ADGRD1: variants seen among roughly 807,000 people sequenced by gnomAD.
The protein encoded by ADGRD1 is adhesion G protein-coupled receptor D1.
ADGRD1 carries 77 observed loss-of-function variants against 113.4 expected under a neutral mutation model. The ratio of observed to expected loss-of-function variants is 0.68; its 90% CI spans 0.57 to 0.82. ADGRD1 has a LOEUF of 0.82. ADGRD1 is among the 40% of genes least tolerant of loss of function. ADGRD1 has a pLI of 0.00. For missense variants in ADGRD1, 1,036 were observed against 1,139.1 expected (o/e 0.91, Z 1.30); for synonymous variants, 474 against 475.0 (o/e 1.00, Z 0.03).
intron 13 of ADGRD1, among the ~76,000 whole-genome samples, chr12:131,055,975 T>C (rs1883830945): frequency 6.6e-6 from 1 of 152,152 alleles, no homozygotes; most frequent in Non-Finnish European, 1.5e-5. Flanking sequence ...AGATCAGAAT[T>C]TTACAAACTT....
intron 8 of ADGRD1, chr12:130,993,721 C>T (rs1874749982): frequency 6.6e-6 from 1 of 152,270 alleles, no homozygotes; most frequent in South Asian, 2.1e-4. Flanking sequence ...ACAGGGCCCT[C>T]TGCTTAGCGG....
At chr12:131,071,025 GA>G (rs1885121691) in intron 13 of ADGRD1, 1 of 476,894 alleles carries the variant, frequency 2.1e-6, no homozygotes, top group Non-Finnish European at 4.2e-6. Flanking sequence ...CATGTACAAG[GA>G]GGTGGGGCTA....
chr12:131,058,493 A>G (rs1487514415), intron 13 of ADGRD1, among the ~76,000 whole-genome samples: 1 of 152,166 alleles, frequency 6.6e-6, no homozygotes, highest in African/African-American at 2.4e-5. Context: ...TGATGTTTCA[A>G]GATTCCTTCT....
In ADGRD1 at chr12:131,014,275, C is replaced by T; in HGVS notation, c.1408C>T (p.Pro470Ser). The T allele has an allele frequency of 6.2e-7, 1 of 1,614,050 alleles. No homozygotes were observed. The highest frequency in any genetic ancestry group is 8.5e-7 in the Non-Finnish European group (1 of 1,179,894). Residue 470 changes from proline (P) to serine (S), a missense_variant, in exon 13 of 25, where the codon CCA becomes TCA. Coordinates refer to ENST00000261654, the MANE Select transcript of ADGRD1 (RefSeq NM_198827.5). ...CCTGATTTCCCTGGAGGTGTCCCCA[C>T]CACCCACCCTGTCTCAGAACCTGTC... ...SHLISLEVSPPPTLSQNLSGS... is the reference protein window; with the variant it reads ...SHLISLEVSPSPTLSQNLSGS...
chr12:131,063,006 GCTTA>G (rs1256609795), intron 13 of ADGRD1, among the ~76,000 whole-genome samples: 9 of 151,960 alleles, frequency 5.9e-5, no homozygotes, highest in African/African-American at 2.2e-4. Flanking sequence ...TTTTTCTTGT[GCTTA>G]CTTGTCATCT....
At chr12:130,963,596 A>G (rs1480856181) in intron 2 of ADGRD1, among the ~76,000 whole-genome samples, 1 of 152,178 alleles carries the variant, frequency 6.6e-6, no homozygotes. Context: ...ATGAAAGAAT[A>G]TGCCATCTAA....
chr12:131,074,407 C>T (rs543506391), intron 13 of ADGRD1, among the ~76,000 whole-genome samples: 4 of 152,318 alleles, frequency 2.6e-5, no homozygotes, highest in East Asian at 1.9e-4. Context: ...CAGGTGAATG[C>T]GGCTGTCCCC....
intron 13 of ADGRD1, among the ~76,000 whole-genome samples, chr12:131,051,172 G>T (rs907642747): frequency 6.6e-6 from 1 of 152,234 alleles, no homozygotes; most frequent in East Asian, 1.9e-4. Flanking sequence ...TGCCCAGCTG[G>T]GGGAGGAAGA....
At chr12:131,097,226 G>C (rs1185508518) in intron 15 of ADGRD1, among the ~76,000 whole-genome samples, 1 of 152,206 alleles carries the variant, frequency 6.6e-6, no homozygotes, top group Admixed American at 6.5e-5. Flanking sequence ...GCGGCCAGGG[G>C]AGACAGCAGG....
At chr12:131,023,530 T>C (rs1879575818) in intron 13 of ADGRD1, 1 of 152,130 alleles carries the variant, frequency 6.6e-6, no homozygotes, top group East Asian at 1.9e-4. Context: ...ACTTTTTAAA[T>C]AGCCCCTTCT....
Position 130,966,951 on chromosome 12 carries a change from G to C in ADGRD1, c.187+405G>C. On this transcript the variant is annotated intron_variant, in intron 3 of 24. Transcript: ENST00000261654. This position sits in a 1 kb window ranked among gnomAD's most constrained non-coding sequence, Gnocchi z 4.6. ...CATTTTACTAGAATTTTTATAGAGA[G>C]AGCTATTGCGTATTGAATGGGAGAA... The C allele has an allele frequency of 2.2e-6, 1 of 445,628 alleles. No individual in the cohort carries two copies. Among genetic ancestry groups the C allele is most frequent in the Non-Finnish European group, 4.6e-6 (1 of 217,566 alleles). The allele number at this position is 445,628 out of a possible 1,614,324, so 27.6% of individuals were successfully genotyped here.
rs1221713384 is a variant in ADGRD1 at position 131,017,385 on chromosome 12, C to T, written c.1473+3045C>T. 2.4e-3 allele frequency among the ~76,000 whole-genome samples: 292 copies of T among 120,204 alleles called. 18 individuals carry two copies. The highest frequency in any genetic ancestry group is 0.011 in the African/African-American group (276 of 26,036). The allele number at this position is 120,204 out of a possible 152,430, so 78.9% of individuals were successfully genotyped here. On this transcript the variant is annotated intron_variant, in intron 13 of 24. Coordinates refer to ENST00000261654, the MANE Select transcript of ADGRD1 (RefSeq NM_198827.5). The stretch of plus-strand genomic sequence containing the variant: ...CCCAGTGCACACAGTCCACACACAC[C>T]CAGTCCACATACACTCAGTCCACAC...
chr12:131,108,750 C>T lies in ADGRD1; in HGVS notation c.1914C>T (p.Leu638=), dbSNP rs1434227365. The T allele has an allele frequency of 1.2e-5, 19 of 1,614,030 alleles. No individual in the cohort carries two copies. The highest frequency in any genetic ancestry group is 4.5e-5 in the East Asian group (2 of 44,898). The change falls in exon 18 of 25, where the codon CTC becomes CTT. Residue 638 remains leucine, a synonymous_variant. Coordinates refer to ENST00000261654, the MANE Select transcript of ADGRD1 (RefSeq NM_198827.5). ...GTTPCQVMAV[L]LHYFFLSAFA... The stretch of plus-strand genomic sequence containing the variant: ...CCCCCTGCCAAGTGATGGCCGTGCT[C>T]CTACACTACTTCTTCCTGAGTGCCT...
intron 13 of ADGRD1, among the ~76,000 whole-genome samples, chr12:131,051,614 G>A (rs575921105): frequency 1.3e-5 from 2 of 152,072 alleles, no homozygotes; most frequent in African/African-American, 4.8e-5. Flanking sequence ...CTCCTGAGTA[G>A]CTGGGATTAC....
chr12:131,023,643 C>T (rs577398966), intron 13 of ADGRD1: 11 of 152,350 alleles, frequency 7.2e-5, no homozygotes, highest in African/African-American at 1.7e-4. Context: ...TTCTCAGCTG[C>T]GCAGAGCCCC....
At position 131,003,147 on chromosome 12, in the gene ADGRD1, G is replaced by A. The variant is rs748997733; in HGVS notation, c.1027-38G>A. The A allele has an allele frequency of 3.3e-6, 5 of 1,517,706 alleles. No homozygotes were observed. Among genetic ancestry groups the A allele is most frequent in the Non-Finnish European group, 3.7e-6 (4 of 1,092,304 alleles). The allele number at this position is 1,517,706 out of a possible 1,614,324, so 94.0% of individuals were successfully genotyped here. On this transcript the variant is annotated intron_variant, in intron 9 of 24. Transcript: ENST00000261654. The surrounding 1 kb of genome is among the most constrained non-coding windows in gnomAD (Gnocchi z 4.8). The stretch of plus-strand genomic sequence containing the variant: ...CTGCCTGGTGCCCTGGCTGAGTGGG[G>A]TGGATTTTCATGGCTCCTGGTGCTT...
chr12:131,134,325 T>G (rs1188991615), intron 21 of ADGRD1, among the ~76,000 whole-genome samples: 1 of 152,178 alleles, frequency 6.6e-6, no homozygotes, highest in Non-Finnish European at 1.5e-5. Flanking sequence ...GGACCCCTCT[T>G]CTTCTGCTTT....
chr12:131,043,708 T>C (rs377072786), intron 13 of ADGRD1, among the ~76,000 whole-genome samples: 1 of 152,312 alleles, frequency 6.6e-6, no homozygotes, highest in Admixed American at 6.5e-5. Flanking sequence ...GGGATGCACG[T>C]GGGGCAGAGT....
At chr12:130,983,643 C>T (rs1873281986) in intron 5 of ADGRD1, among the ~76,000 whole-genome samples, 1 of 152,168 alleles carries the variant, frequency 6.6e-6, no homozygotes, top group South Asian at 2.1e-4. Context: ...GCATTGAAGG[C>T]GTTTGTTATT....
Sources: gnomAD v4.1 joint callset for allele counts (sites outside exome capture counted in the v4.1 genomes callset) on GRCh38, gnomAD v4.1.1 for gene constraint, Gnocchi (gnomAD v3.1) non-coding constraint, MANE v1.5 for transcripts, NCBI Gene and HGNC (gene_info 2026-07-23, HGNC 2026-07-21) for gene names.